GPR152: variants seen among roughly 807,000 people sequenced by gnomAD.
The protein encoded by GPR152 is probable G protein-coupled receptor 152.
For synonymous variants in GPR152, 278 were observed against 289.0 expected (o/e 0.96, Z 0.39); for missense variants, 549 against 617.2 (o/e 0.89, Z 1.17).
chr11:67,451,331 G>T lies in GPR152; in HGVS notation c.1394C>A (p.Pro465Gln). The change falls in exon 1 of 1, where the codon CCG (proline) becomes CAG (glutamine). Residue 465 changes from proline (P) to glutamine (Q), a missense_variant. Coordinates refer to ENST00000312457, the MANE Select transcript of GPR152 (RefSeq NM_206997.1). ...SPSSTPPEAA[P>Q]GAGPT ...GGACCCTCACGTGGGGCCTGCGCCC[G>T]GGGCCGCCTCTGGCGGGGTGCTGCT... 1 of 1,580,056 alleles carries T rather than the reference G, an allele frequency of 6.3e-7. No homozygotes were observed.
rs1382610925 is a variant in GPR152 at position 67,452,289 on chromosome 11, G to A, written c.436C>T (p.Arg146Cys). ...PHWYPGHRPVRLPLWVCAGVW... is the reference protein window; with the variant it reads ...PHWYPGHRPVCLPLWVCAGVW... ...CCGGCGCAGACCCAGAGGGGCAGGC[G>A]GACTGGGCGGTGCCCAGGGTACCAG... The change falls in exon 1 of 1, where the codon CGC becomes TGC. Residue 146 changes from arginine (R) to cysteine (C), a missense_variant. Coordinates refer to ENST00000312457, the MANE Select transcript of GPR152 (RefSeq NM_206997.1). 59 of 1,609,404 alleles carry A rather than the reference G, an allele frequency of 3.7e-5. No individual in the cohort carries two copies. The highest frequency in any genetic ancestry group is 4.2e-5 in the Non-Finnish European group (50 of 1,179,742).
chr11:67,451,429 G>A lies in GPR152; in HGVS notation c.1296C>T (p.Thr432=). ...CCCCTGGGGTAGGATGCGAGGATGG[G>A]GTTGGGGAAGCTTCATCACAGGGAC... ...VPSPCDEASP[T]PSSHPTPGAL... Residue 432 remains threonine (T), a synonymous_variant, in exon 1 of 1, where the codon ACC becomes ACT. Coordinates refer to ENST00000312457, the MANE Select transcript of GPR152 (RefSeq NM_206997.1). 1.2e-6 allele frequency: 2 copies of A among 1,614,064 alleles called. No individual in the cohort carries two copies. The highest frequency in any genetic ancestry group is 1.3e-5 in the African/African-American group (1 of 75,052).
At position 67,452,089 on chromosome 11, in the gene GPR152, G is replaced by A. The variant is rs748391298; in HGVS notation, c.636C>T (p.His212=). ...GACAGGCTGTGGCCTGGGTGAGCAC[G>A]TGGCAGACGAGCAGCAGGAGGAAAG... The part of the protein sequence containing the change: ...FLPFLLLLVC[H]VLTQATACRT... The change falls in exon 1 of 1, where the codon CAC becomes CAT. Residue 212 remains histidine (H), a synonymous_variant. Coordinates refer to ENST00000312457, the MANE Select transcript of GPR152 (RefSeq NM_206997.1). 11 of 1,611,870 alleles carry A rather than the reference G, an allele frequency of 6.8e-6. No homozygotes were observed. Among genetic ancestry groups the A allele is most frequent in the African/African-American group, 2.7e-5 (2 of 74,950 alleles).
In GPR152 at chr11:67,451,412, G is replaced by A; in HGVS notation, c.1313C>T (p.Thr438Ile). 6.2e-7 allele frequency: 1 copy of A among 1,613,786 alleles called. No individual in the cohort carries two copies. The highest frequency in any genetic ancestry group is 8.5e-7 in the Non-Finnish European group (1 of 1,179,876). ...GGCTGGGTCCTCAAGGGCCCCTGGG[G>A]TAGGATGCGAGGATGGGGTTGGGGA... is the stretch of plus-strand genomic sequence containing the variant. Reference protein sequence around the residue: ...EASPTPSSHPTPGALEDPATP... With the variant: ...EASPTPSSHPIPGALEDPATP... The change falls in exon 1 of 1, where the codon ACC becomes ATC. Residue 438 changes from threonine to isoleucine, a missense_variant. By Grantham distance (89) the Thr-to-Ile change is moderately conservative. Coordinates refer to ENST00000312457, the MANE Select transcript of GPR152 (RefSeq NM_206997.1).
chr11:67,451,977 T>G lies in GPR152; in HGVS notation c.748A>C (p.Arg250=). Residue 250 remains arginine (R), a synonymous_variant, in exon 1 of 1, where the codon AGG becomes CGG. Transcript: ENST00000312457. ...AGCTGGGCCAGCTGGTAGGGCAGCC[T>G]CAGGACCACATAGGCTGACAGAATG... is the stretch of plus-strand genomic sequence containing the variant. ...RTILSAYVVL[R]LPYQLAQLLY... 6.2e-7 allele frequency: 1 copy of G among 1,611,110 alleles called. No individual in the cohort carries two copies. Among genetic ancestry groups the G allele is most frequent in the African/African-American group, 1.3e-5 (1 of 75,032 alleles).
rs760475740 is a variant in GPR152 at position 67,452,308 on chromosome 11, G to A, written c.417C>T (p.Tyr139=). The A allele has an allele frequency of 3.4e-5, 54 of 1,610,040 alleles. No individual in the cohort carries two copies. Among genetic ancestry groups the A allele is most frequent in the Non-Finnish European group, 4.2e-5 (49 of 1,179,672 alleles). The part of the protein sequence containing the change: ...RCLLALCPHW[Y]PGHRPVRLPL... ...GCAGGCGGACTGGGCGGTGCCCAGG[G>A]TACCAGTGTGGGCACAGCGCCAGCA... The change falls in exon 1 of 1, where the codon TAC becomes TAT. Residue 139 remains tyrosine, a synonymous_variant. Transcript: ENST00000312457.
Position 67,451,745 on chromosome 11 carries a change from G to A in GPR152, c.980C>T (p.Pro327Leu). Residue 327 changes from proline to leucine, a missense_variant, in exon 1 of 1, where the codon CCC becomes CTC. By Grantham distance (98) the Pro-to-Leu change is moderately conservative. Transcript: ENST00000312457. ...ATCTAGCTGGGTCTGTGGCTCAGTGGGCGTGAAGCTGCCCGGCCGCTCCTC... is the reference window on the plus strand; with the variant it reads ...ATCTAGCTGGGTCTGTGGCTCAGTGAGCGTGAAGCTGCCCGGCCGCTCCTC... ...LCEERPGSFT[P>L]TEPQTQLDSE... 6.2e-7 allele frequency: 1 copy of A among 1,613,570 alleles called. No individual in the cohort carries two copies. The highest frequency in any genetic ancestry group is 8.5e-7 in the Non-Finnish European group (1 of 1,180,030).
In GPR152 at chr11:67,452,488, C is replaced by G; in HGVS notation, c.237G>C (p.Leu79Phe). 1 of 1,611,552 alleles carries G rather than the reference C, an allele frequency of 6.2e-7. No individual in the cohort carries two copies. The highest frequency in any genetic ancestry group is 8.5e-7 in the Non-Finnish European group (1 of 1,179,320). ...TCTGGAAGGCCGCTGCTGCCAGGAA[C>G]AAGAAGTCAGAGAGGGCCAGGCTGA... ...LLLSLALSDF[L>F]FLAAAAFQIL... Residue 79 changes from leucine to phenylalanine, a missense_variant, in exon 1 of 1, where the codon TTG (leucine) becomes TTC (phenylalanine). Coordinates refer to ENST00000312457, the MANE Select transcript of GPR152 (RefSeq NM_206997.1).
In GPR152 at chr11:67,452,048, T is replaced by TGGCGGTGGCAGGTGCGACA. The variant is rs773819928; in HGVS notation, c.658_676dup (p.Gln226LeufsTer110). On this transcript the variant is annotated frameshift_variant, in exon 1 of 1. Transcript: ENST00000312457. LOFTEE classifies it low-confidence loss of function (END_TRUNC). ...GCCCCGGCAGGCTGCGGGCTGCTGT[T>TGGCGGTGGCAGGTGCGACA]GGCGGTGGCAGGTGCGACAGGCTGT... 13 of 1,612,400 alleles carry TGGCGGTGGCAGGTGCGACA rather than the reference T, an allele frequency of 8.1e-6. No individual in the cohort carries two copies. The South Asian group carries it at 1.4e-4, about 18-fold the overall frequency.
rs28430580 is a variant in GPR152 at position 67,451,688 on chromosome 11, G to T, written c.1037C>A (p.Ala346Glu). ...AGGATCCATCTGTGACTGGGCCTCT[G>T]CCATCGGCTCTGGCAGAGTTGGACC... is the stretch of plus-strand genomic sequence containing the variant. Reference protein sequence around the residue: ...SEGPTLPEPMAEAQSQMDPVA... With the variant: ...SEGPTLPEPMEEAQSQMDPVA... Residue 346 changes from alanine (A) to glutamate (E), a missense_variant, in exon 1 of 1, where the codon GCA (alanine) becomes GAA (glutamate). By Grantham distance (107) the Ala-to-Glu change is moderately radical. Coordinates refer to ENST00000312457, the MANE Select transcript of GPR152 (RefSeq NM_206997.1). 100 of 1,613,892 alleles carry T rather than the reference G, an allele frequency of 6.2e-5. No homozygotes were observed. The African/African-American group carries it at 1.2e-3, about 20-fold the overall frequency.
rs1426553125 is a variant in GPR152 at position 67,452,658 on chromosome 11, C to T, written c.67G>A (p.Glu23Lys). 1 of 1,612,298 alleles carries T rather than the reference C, an allele frequency of 6.2e-7. No homozygotes were observed. ...GHRPRTELDD[E>K]DSYPQGGWDT... The stretch of plus-strand genomic sequence containing the variant: ...CAGCCACCTTGGGGGTAGGAGTCCT[C>T]ATCATCAAGCTCTGTGCGGGGCCTG... Residue 23 changes from glutamate to lysine, a missense_variant, in exon 1 of 1, where the codon GAG becomes AAG. Glu to Lys is a moderately conservative substitution (Grantham distance 56). Transcript: ENST00000312457.
Position 67,451,394 on chromosome 11 carries a change from TC to T in GPR152, c.1330del (p.Asp444ThrfsTer?). On this transcript the variant is annotated frameshift_variant, in exon 1 of 1. Transcript: ENST00000312457. LOFTEE classifies it low-confidence loss of function (END_TRUNC). ...TTCAGAGGCAGGAGGTGTGGCTGGG[TC>T]CTCAAGGGCCCCTGGGGTAGGATGC... Reference protein sequence around the residue: ...SSHPTPGALEDPATPPASEGE... With the variant: ...SSHPTPGALEXPATPPASEGE... 2 of 1,610,786 alleles carry T rather than the reference TC, an allele frequency of 1.2e-6. No homozygotes were observed. Among genetic ancestry groups the T allele is most frequent in the Non-Finnish European group, 1.7e-6 (2 of 1,178,648 alleles).
At position 67,451,537 on chromosome 11, in the gene GPR152, G is replaced by C; in HGVS notation, c.1188C>G (p.Ala396=). ...PTAQPQLNLM[A]QPQSDSVAQP... is the part of the protein sequence containing the mutation. ...GGGCCACAGAATCTGACTGTGGCTG[G>C]GCCATGAGGTTCAGCTGTGGCTGGG... Residue 396 remains alanine (A), a synonymous_variant, in exon 1 of 1, where the codon GCC becomes GCG. Coordinates refer to ENST00000312457, the MANE Select transcript of GPR152 (RefSeq NM_206997.1). 6.2e-7 allele frequency: 1 copy of C among 1,613,904 alleles called. No homozygotes were observed. Among genetic ancestry groups the C allele is most frequent in the Non-Finnish European group, 8.5e-7 (1 of 1,179,926 alleles).
Position 67,452,136 on chromosome 11 carries a change from C to T in GPR152, c.589G>A (p.Glu197Lys), listed in dbSNP as rs1330582527. The change falls in exon 1 of 1, where the codon GAG (glutamate) becomes AAG (lysine). Residue 197 changes from glutamate to lysine, a missense_variant. Coordinates refer to ENST00000312457, the MANE Select transcript of GPR152 (RefSeq NM_206997.1). ...AAAGGCAGGAAGCCCCCCAGGACCT[C>T]CAGCATCCTCAGCGACAGCTCCTCG... The part of the protein sequence containing the change: ...DSEELSLRML[E>K]VLGGFLPFLL... The T allele has an allele frequency of 6.2e-7, 1 of 1,611,348 alleles. No homozygotes were observed. The highest frequency in any genetic ancestry group is 1.1e-5 in the South Asian group (1 of 91,082).
At position 67,452,052 on chromosome 11, in the gene GPR152, G is replaced by C. The variant is rs1177339160; in HGVS notation, c.673C>G (p.Arg225Gly). ...TQATACRTCH[R>G]QQQPAACRGF... ...CGGCAGGCTGCGGGCTGCTGTTGGC[G>C]GTGGCAGGTGCGACAGGCTGTGGCC... Residue 225 changes from arginine (R) to glycine (G), a missense_variant, in exon 1 of 1, where the codon CGC (arginine) becomes GGC (glycine). Physicochemically the swap from Arg to Gly is moderately radical, Grantham distance 125. Transcript: ENST00000312457. The C allele has an allele frequency of 3.1e-6, 5 of 1,612,212 alleles. No homozygotes were observed. The African/African-American group carries it at 5.3e-5, about 17-fold the overall frequency.
In GPR152 at chr11:67,452,161, G is replaced by A. The variant is rs761525276; in HGVS notation, c.564C>T (p.Ser188=). 3 of 1,609,608 alleles carry A rather than the reference G, an allele frequency of 1.9e-6. No homozygotes were observed. Among genetic ancestry groups the A allele is most frequent in the African/African-American group, 1.3e-5 (1 of 74,928 alleles). ...DLVICLDFWD[S]EELSLRMLEV... ...CCAGCATCCTCAGCGACAGCTCCTC[G>A]CTGTCCCAGAAGTCCAGGCAGATGA... Residue 188 remains serine, a synonymous_variant, in exon 1 of 1, where the codon AGC becomes AGT. Transcript: ENST00000312457.
rs1335574397 is a variant in GPR152 at position 67,452,578 on chromosome 11, C to T, written c.147G>A (p.Leu49=). 3.7e-6 allele frequency: 6 copies of T among 1,611,312 alleles called. No homozygotes were observed. The highest frequency in any genetic ancestry group is 5.1e-6 in the Non-Finnish European group (6 of 1,179,000). Residue 49 remains leucine (L), a synonymous_variant, in exon 1 of 1, where the codon TTG becomes TTA. Transcript: ENST00000312457. ...CCTGGGAGCCGGCCAGCCACGCCAT[C>T]AACCCATTGGCTGGCAGCCCAAGGA... is the stretch of plus-strand genomic sequence containing the variant. ...LLLLGLPANG[L]MAWLAGSQAR...
At position 67,452,079 on chromosome 11, in the gene GPR152, G is replaced by C. The variant is rs1235223699; in HGVS notation, c.646C>G (p.Gln216Glu). 1.2e-6 allele frequency: 2 copies of C among 1,612,044 alleles called. No individual in the cohort carries two copies. The highest frequency in any genetic ancestry group is 8.5e-7 in the Non-Finnish European group (1 of 1,179,812). Reference sequence around the variant, plus strand: ...TGGCAGGTGCGACAGGCTGTGGCCTGGGTGAGCACGTGGCAGACGAGCAGC... The same window carrying C: ...TGGCAGGTGCGACAGGCTGTGGCCTCGGTGAGCACGTGGCAGACGAGCAGC... ...LLLLVCHVLTQATACRTCHRQ... is the reference protein window; with the variant it reads ...LLLLVCHVLTEATACRTCHRQ... The change falls in exon 1 of 1, where the codon CAG (glutamine) becomes GAG (glutamate). Residue 216 changes from glutamine (Q) to glutamate (E), a missense_variant. Coordinates refer to ENST00000312457, the MANE Select transcript of GPR152 (RefSeq NM_206997.1).
Position 67,452,044 on chromosome 11 carries a change from CTG to C in GPR152, c.679_680del (p.Gln227AlafsTer102). 1 of 1,612,362 alleles carries C rather than the reference CTG, an allele frequency of 6.2e-7. No homozygotes were observed. The highest frequency in any genetic ancestry group is 8.5e-7 in the Non-Finnish European group (1 of 1,179,834). ...ATACRTCHRQ[Q>X]QPAACRGFAR... ...CGAAGCCCCGGCAGGCTGCGGGCTG[CTG>C]TTGGCGGTGGCAGGTGCGACAGGCT... On this transcript the variant is annotated frameshift_variant, in exon 1 of 1. Coordinates refer to ENST00000312457, the MANE Select transcript of GPR152 (RefSeq NM_206997.1). LOFTEE classifies it low-confidence loss of function (END_TRUNC).
Sources: gnomAD v4.1 joint callset for allele counts on GRCh38, gnomAD v4.1.1 for gene constraint, MANE v1.5 for transcripts, NCBI Gene and HGNC (gene_info 2026-07-23, HGNC 2026-07-21) for gene names.